CCSER1: variants seen among roughly 807,000 people sequenced by gnomAD.
CCSER1 encodes coiled-coil serine rich protein 1.
A neutral mutation model predicts 82.0 loss-of-function variants in CCSER1; 41 were observed. The ratio of observed to expected loss-of-function variants is 0.50; its 90% CI spans 0.39 to 0.65. The LOEUF (loss-of-function observed/expected upper bound fraction) is 0.65, where lower values mean the gene tolerates loss of function less well. Among genes scored for constraint, CCSER1 ranks in the 30% least tolerant of loss-of-function variants. The pLI, the probability that CCSER1 is intolerant of heterozygous loss-of-function variation, is 0.00. For missense variants in CCSER1, 1,119 were observed against 1,064.2 expected (o/e 1.05, Z -0.72); for synonymous variants, 414 against 383.9 (o/e 1.08, Z -0.92).
At chr4:91,327,773 T>C (rs1746671178) in intron 10 of CCSER1, among the ~76,000 whole-genome samples, 1 of 152,224 alleles carries the variant, frequency 6.6e-6, no homozygotes, top group African/African-American at 2.4e-5. Flanking sequence ...GAGCATAGGC[T>C]TTTAGAAGCA....
At chr4:90,477,699 C>A (rs1358739475) in intron 5 of CCSER1, among the ~76,000 whole-genome samples, 1 of 146,612 alleles carries the variant, frequency 6.8e-6, no homozygotes, top group Non-Finnish European at 1.5e-5. Flanking sequence ...TTTTTTTTAT[C>A]TTCTATTTTA....
chr4:90,661,762 AC>A (rs1384300668), intron 6 of CCSER1, among the ~76,000 whole-genome samples: 1 of 152,124 alleles, frequency 6.6e-6, no homozygotes, highest in Non-Finnish European at 1.5e-5. Context: ...GATTTTATAC[AC>A]TGTTTTTGTT....
intron 5 of CCSER1, among the ~76,000 whole-genome samples, chr4:90,585,463 A>G (rs569454457): frequency 6.6e-6 from 1 of 152,274 alleles, no homozygotes; most frequent in East Asian, 1.9e-4. Context: ...GGCTTTTAAG[A>G]TCTGTTTGTT....
In CCSER1 at chr4:90,308,747, G is replaced by A. The variant is rs1480679475; in HGVS notation, c.463G>A (p.Gly155Ser). ...TGTCTTTATAAATTGTCTAAGTTCT[G>A]GCAAAAGTGAAGGGGATGATTCTGG... is the stretch of plus-strand genomic sequence containing the variant. The part of the protein sequence containing the change: ...KNVFINCLSS[G>S]KSEGDDSGFT... The change falls in exon 2 of 11, where the codon GGC becomes AGC. Residue 155 changes from glycine to serine, a missense_variant. Coordinates refer to ENST00000509176, the MANE Select transcript of CCSER1 (RefSeq NM_001145065.2). The A allele has an allele frequency of 6.2e-7, 1 of 1,613,612 alleles. No individual in the cohort carries two copies. The highest frequency in any genetic ancestry group is 1.3e-5 in the African/African-American group (1 of 74,914).
intron 7 of CCSER1, among the ~76,000 whole-genome samples, chr4:90,729,947 C>G (rs1353555205): frequency 2.0e-5 from 3 of 151,792 alleles, no homozygotes; most frequent in Non-Finnish European, 4.4e-5. Flanking sequence ...AGGCATACAC[C>G]ATAGCAACTT....
At chr4:91,333,204 A>G (rs1403768955) in intron 10 of CCSER1, among the ~76,000 whole-genome samples, 1 of 152,032 alleles carries the variant, frequency 6.6e-6, no homozygotes, top group Non-Finnish European at 1.5e-5. Context: ...TCCTGAAAAA[A>G]AAGAATTCTG....
At chr4:91,245,886 G>A (rs761316813) in intron 10 of CCSER1, among the ~76,000 whole-genome samples, 1 of 152,118 alleles carries the variant, frequency 6.6e-6, no homozygotes, top group Non-Finnish European at 1.5e-5. Flanking sequence ...AGTAGAGATG[G>A]GGTTTCTTCA....
At chr4:90,548,386 A>C (rs1777047498) in intron 5 of CCSER1, among the ~76,000 whole-genome samples, 1 of 152,108 alleles carries the variant, frequency 6.6e-6, no homozygotes, top group Non-Finnish European at 1.5e-5. Context: ...TGTCTGTTGC[A>C]CATGAGCATA....
chr4:90,709,616 G>T (rs6846119), intron 6 of CCSER1, among the ~76,000 whole-genome samples: 1 of 151,952 alleles, frequency 6.6e-6, no homozygotes, highest in Admixed American at 6.6e-5. Flanking sequence ...GCATGATCCC[G>T]TTCTTTTTTA....
chr4:91,189,052 C>A (rs1023941793), intron 10 of CCSER1, among the ~76,000 whole-genome samples: 8 of 151,964 alleles, frequency 5.3e-5, no homozygotes, highest in African/African-American at 1.4e-4. Context: ...GCAAACCTCC[C>A]GAACGGTATA....
At chr4:91,590,445 A>G (rs1764210785) in intron 10 of CCSER1, among the ~76,000 whole-genome samples, 1 of 152,096 alleles carries the variant, frequency 6.6e-6, no homozygotes, top group Admixed American at 6.6e-5. Flanking sequence ...CTTTAACAGA[A>G]CTCTTTATCA....
At chr4:91,516,293 T>A (rs903249460) in intron 10 of CCSER1, among the ~76,000 whole-genome samples, 8 of 152,150 alleles carry the variant, frequency 5.3e-5, no homozygotes, top group African/African-American at 1.9e-4. Flanking sequence ...AGTTTCTATA[T>A]CCAGATGGTA....
At chr4:91,169,374 A>C (rs1732513215) in intron 10 of CCSER1, among the ~76,000 whole-genome samples, 5 of 151,990 alleles carry the variant, frequency 3.3e-5, no homozygotes, top group African/African-American at 4.8e-5. Flanking sequence ...TAATCCCAGC[A>C]CTTTGGGAGG....
At chr4:90,302,492 T>TG (rs1733344132) in intron 1 of CCSER1, among the ~76,000 whole-genome samples, 1 of 152,110 alleles carries the variant, frequency 6.6e-6, no homozygotes, top group African/African-American at 2.4e-5. Context: ...GTCTTGAAGG[T>TG]GAAAGTGATT....
intron 9 of CCSER1, among the ~76,000 whole-genome samples, chr4:91,081,194 A>G (rs1722689060): frequency 6.6e-6 from 1 of 152,224 alleles, no homozygotes; most frequent in African/African-American, 2.4e-5. Context: ...GCAGCAAATC[A>G]AAAAGCTTAT....
At chr4:90,428,787 T>C (rs1314130535) in intron 4 of CCSER1, among the ~76,000 whole-genome samples, 1 of 151,774 alleles carries the variant, frequency 6.6e-6, no homozygotes, top group Non-Finnish European at 1.5e-5. Flanking sequence ...AAGTAAAATA[T>C]TAAGTAAACA....
At chr4:90,754,113 G>A (rs1369600801) in intron 7 of CCSER1, among the ~76,000 whole-genome samples, 1 of 152,008 alleles carries the variant, frequency 6.6e-6, no homozygotes, top group Non-Finnish European at 1.5e-5. Context: ...ATTTTTCATA[G>A]CACAAACCCC....
At chr4:91,291,546 G>A (rs768319250) in intron 10 of CCSER1, among the ~76,000 whole-genome samples, 5 of 151,924 alleles carry the variant, frequency 3.3e-5, no homozygotes, top group East Asian at 1.9e-4. Flanking sequence ...CAAAGGGGGC[G>A]CACACATATC....
At chr4:90,344,049 C>A (rs756709845) in intron 3 of CCSER1, among the ~76,000 whole-genome samples, 1 of 152,138 alleles carries the variant, frequency 6.6e-6, no homozygotes, top group Admixed American at 6.5e-5. Context: ...ACTAACCTCC[C>A]CAGCCTCTGG....
Sources: gnomAD v4.1 joint callset for allele counts (sites outside exome capture counted in the v4.1 genomes callset) on GRCh38, gnomAD v4.1.1 for gene constraint, MANE v1.5 for transcripts, NCBI Gene and HGNC (gene_info 2026-07-23, HGNC 2026-07-21) for gene names.